Variants in VWA8 observed in about 807,000 individuals in gnomAD.
The protein encoded by VWA8 is von Willebrand factor A domain containing 8.
A neutral mutation model predicts 241.5 loss-of-function variants in VWA8; 221 were observed. That is an observed-to-expected ratio of 0.91 (90% CI 0.82 to 1.02). The LOEUF is 1.02. Ranked by LOEUF, VWA8 falls within the 50% of genes least tolerant of loss-of-function variation. The pLI is 0.00. For missense variants in VWA8, 2,322 were observed against 2,328.7 expected, an observed-to-expected ratio of 1.00 and a Z score of 0.06; for synonymous variants, 852 against 827.1, an observed-to-expected ratio of 1.03 and a Z score of -0.52.
rs558837091 is a variant in VWA8, at chr13:41,627,698, T to C, written c.4612-12614A>G. Among the ~76,000 whole-genome samples, 7 of 152,208 alleles carry C rather than the reference T, an allele frequency of 4.6e-5. No homozygotes were observed. The South Asian group carries it at 1.2e-3, about 27-fold the overall frequency. ...GAGACCATCAAGCTTCAGATGATCA[T>C]GCAACAAAGGCTCCAGTCAGTTCCA... On this transcript the variant is annotated intron_variant, in intron 37 of 44. Coordinates refer to ENST00000379310, the MANE Select transcript of VWA8 (RefSeq NM_015058.2).
chr13:41,655,700 G>T (rs914261535), intron 37 of VWA8, among the ~76,000 whole-genome samples: 1 of 152,134 alleles, frequency 6.6e-6, no homozygotes, highest in African/African-American at 2.4e-5. Context: ...CCAAAGATTA[G>T]AAGATATTAG....
chr13:41,873,057 C>T (rs1281666330), intron 9 of VWA8, among the ~76,000 whole-genome samples: 1 of 152,048 alleles, frequency 6.6e-6, no homozygotes, highest in African/African-American at 2.4e-5. Flanking sequence ...GTATTTTATT[C>T]TCTTTGAAGC....
At position 41,575,732 on chromosome 13, in the gene VWA8, A is replaced by G. The variant is rs375566517; in HGVS notation, c.5370+8T>C. Reference sequence around the variant, plus strand: ...TTTCATAATACAGAGGTAATAAAATATATTTACCTTCAGAATTTCTAGTCT... The same window carrying G: ...TTTCATAATACAGAGGTAATAAAATGTATTTACCTTCAGAATTTCTAGTCT... On this transcript the variant is annotated splice_region_variant and intron_variant, in intron 43 of 44. Transcript: ENST00000379310. 1 of 1,587,968 alleles carries G rather than the reference A, an allele frequency of 6.3e-7. No individual in the cohort carries two copies. The highest frequency in any genetic ancestry group is 1.3e-5 in the African/African-American group (1 of 74,326).
chr13:41,897,381 G>A (rs1426393131), intron 4 of VWA8, among the ~76,000 whole-genome samples: 1 of 152,152 alleles, frequency 6.6e-6, no homozygotes, highest in African/African-American at 2.4e-5. Context: ...AATGGCCACT[G>A]TGAAAAAGAG....
chr13:41,851,381 G>A (rs1235047050), intron 12 of VWA8, among the ~76,000 whole-genome samples: 1 of 152,116 alleles, frequency 6.6e-6, no homozygotes, highest in Non-Finnish European at 1.5e-5. Context: ...ATGTCCTCCA[G>A]GTTTATTTAC....
chr13:41,575,681 T>C (rs1398010164), intron 43 of VWA8, 59 bp downstream of exon 43: 1 of 1,263,058 alleles, frequency 7.9e-7, no homozygotes, highest in Non-Finnish European at 1.1e-6. Flanking sequence ...TGAATCCTTT[T>C]AGTCTTTACC....
At chr13:41,610,045 C>T (rs939989094) in intron 39 of VWA8, among the ~76,000 whole-genome samples, 1 of 152,148 alleles carries the variant, frequency 6.6e-6, no homozygotes, top group Non-Finnish European at 1.5e-5. Context: ...TTTCTGCCTC[C>T]CTGTGAACTA....
chr13:41,824,997 G>A (rs1871122120), intron 14 of VWA8, among the ~76,000 whole-genome samples: 1 of 152,010 alleles, frequency 6.6e-6, no homozygotes, highest in Non-Finnish European at 1.5e-5. Flanking sequence ...AAAACCCTGG[G>A]AGCTACCAAT....
chr13:41,812,909 C>T (rs1273575521), intron 16 of VWA8, among the ~76,000 whole-genome samples: 2 of 152,094 alleles, frequency 1.3e-5, no homozygotes, highest in Non-Finnish European at 2.9e-5. Flanking sequence ...ATAGTATATA[C>T]TTCAATGCTA....
At chr13:41,656,459 C>A (rs910013646) in intron 37 of VWA8, among the ~76,000 whole-genome samples, 2 of 152,074 alleles carry the variant, frequency 1.3e-5, no homozygotes, top group Non-Finnish European at 2.9e-5. Flanking sequence ...TAAGGGGATT[C>A]CCACTGTTAT....
chr13:41,950,506 T>C (rs964052598), intron 1 of VWA8, among the ~76,000 whole-genome samples: 2 of 151,776 alleles, frequency 1.3e-5, no homozygotes, highest in Admixed American at 6.6e-5. Context: ...GTAGCTGGGA[T>C]TACAGGCGCC....
chr13:41,793,944 T>C (rs1055593759), intron 17 of VWA8, among the ~76,000 whole-genome samples: 9 of 152,354 alleles, frequency 5.9e-5, no homozygotes, highest in East Asian at 1.9e-4. Context: ...ATCAGGTGGT[T>C]GTAGATGTGT....
chr13:41,714,754 CT>C (rs1193562253), intron 26 of VWA8, among the ~76,000 whole-genome samples: 1 of 151,930 alleles, frequency 6.6e-6, no homozygotes, highest in East Asian at 1.9e-4. Context: ...TATTTATCTG[CT>C]TCGTGGTTAC....
chr13:41,798,355 C>A (rs1225510121), intron 17 of VWA8, among the ~76,000 whole-genome samples: 1 of 152,080 alleles, frequency 6.6e-6, no homozygotes, highest in African/African-American at 2.4e-5. Flanking sequence ...TTTAGTAGTT[C>A]TTTAAGTAGT....
intron 19 of VWA8, 67 bp from the exon 20 acceptor site, chr13:41,778,123 A>AGTTC: frequency 1.7e-6 from 2 of 1,151,814 alleles, no homozygotes; most frequent in Non-Finnish European, 2.5e-6. Context: ...AGTTAACTAT[A>AGTTC]AAGATATCTT....
chr13:41,702,130 T>C (rs975511801), intron 27 of VWA8, among the ~76,000 whole-genome samples: 1 of 152,210 alleles, frequency 6.6e-6, no homozygotes, highest in Non-Finnish European at 1.5e-5. Context: ...AATTTAATAA[T>C]GTTAAGAATA....
intron 12 of VWA8, among the ~76,000 whole-genome samples, chr13:41,861,434 T>C (rs539142963): frequency 6.6e-6 from 1 of 152,100 alleles, no homozygotes; most frequent in African/African-American, 2.4e-5. Context: ...CTATTCAACA[T>C]AGTACTAGAA....
At chr13:41,692,655 A>G (rs2045186009) in intron 30 of VWA8, among the ~76,000 whole-genome samples, 1 of 152,128 alleles carries the variant, frequency 6.6e-6, no homozygotes, top group Non-Finnish European at 1.5e-5. Context: ...TGCAAGTATA[A>G]TGTCATAAAA....
chr13:41,649,661 T>A (rs2044856644), intron 37 of VWA8, among the ~76,000 whole-genome samples: 1 of 150,308 alleles, frequency 6.7e-6, no homozygotes, highest in Admixed American at 6.6e-5. Context: ...GGTTTATTGC[T>A]GGGGGGTGAG....
Sources: gnomAD v4.1 joint callset for allele counts (sites outside exome capture counted in the v4.1 genomes callset) on GRCh38, gnomAD v4.1.1 for gene constraint, MANE v1.5 for transcripts, NCBI Gene and HGNC (gene_info 2026-07-23, HGNC 2026-07-21) for gene names.